Variants in SOX6 observed in about 807,000 individuals in gnomAD.
The protein encoded by SOX6 is transcription factor SOX-6.
A neutral mutation model predicts 97.8 loss-of-function variants in SOX6; 11 were observed. The ratio of observed to expected loss-of-function variants is 0.11; its 90% CI spans 0.07 to 0.19. The LOEUF (loss-of-function observed/expected upper bound fraction) is 0.19. Among genes scored for constraint, SOX6 ranks in the 10% least tolerant of loss-of-function variants. SOX6 has a pLI of 1.00. For missense variants in SOX6, 810 were observed against 1,039.5 expected, an observed-to-expected ratio of 0.78 and a Z score of 3.04; for synonymous variants, 360 against 371.4, an observed-to-expected ratio of 0.97 and a Z score of 0.35.
At chr11:15,981,787 G>C (rs974019054) in intron 15 of SOX6, among the ~76,000 whole-genome samples, 3 of 151,972 alleles carry the variant, frequency 2.0e-5, no homozygotes, top group Non-Finnish European at 4.4e-5. Context: ...AATAATTATT[G>C]TAATATAACA....
At chr11:16,494,206 A>C (rs953400725) in intron 4 of SOX6, among the ~76,000 whole-genome samples, 3 of 151,844 alleles carry the variant, frequency 2.0e-5, no homozygotes, top group African/African-American at 4.8e-5. Context: ...GTGAAACCCC[A>C]TCTCCACTAA....
intron 4 of SOX6, among the ~76,000 whole-genome samples, chr11:16,604,199 G>C (rs1054169478): frequency 6.6e-6 from 1 of 152,234 alleles, no homozygotes; most frequent in Non-Finnish European, 1.5e-5. Context: ...GAGGCCAGCC[G>C]TGCGCGGGCG....
At chr11:16,114,744 A>G (rs921949587) in intron 6 of SOX6, among the ~76,000 whole-genome samples, 1 of 152,196 alleles carries the variant, frequency 6.6e-6, no homozygotes, top group East Asian at 1.9e-4. Context: ...GTGGGAATAC[A>G]TGCTCATTTG....
intron 1 of SOX6, among the ~76,000 whole-genome samples, chr11:16,422,521 T>G (rs1250722529): frequency 2.0e-5 from 3 of 152,176 alleles, no homozygotes; most frequent in Non-Finnish European, 4.4e-5. Context: ...ATTAAATATA[T>G]GGGAAGTGAT....
chr11:16,347,735 A>G (rs543949413), intron 1 of SOX6, among the ~76,000 whole-genome samples: 22 of 152,232 alleles, frequency 1.4e-4, no homozygotes, highest in South Asian at 1.2e-3. Context: ...TCAGAGACAA[A>G]GTGTAGGAAA....
At chr11:16,628,504 T>C (rs1203503345) in intron 3 of SOX6, among the ~76,000 whole-genome samples, 1 of 151,636 alleles carries the variant, frequency 6.6e-6, no homozygotes, top group Non-Finnish European at 1.5e-5. Flanking sequence ...TATACACCAG[T>C]AGTCGCAGCT....
intron 4 of SOX6, among the ~76,000 whole-genome samples, chr11:16,583,620 T>TATATATATATACACACACACACACACAC (rs1848057779): frequency 2.2e-5 from 3 of 136,964 alleles, no homozygotes; most frequent in African/African-American, 7.8e-5. Context: ...TATACATATA[T>TATATATATATACACACACACACACACAC]ATATATATAT....
At chr11:16,626,304 T>C (rs945809869) in intron 3 of SOX6, among the ~76,000 whole-genome samples, 3 of 152,216 alleles carry the variant, frequency 2.0e-5, no homozygotes, top group African/African-American at 4.8e-5. Context: ...CTGACAGCAT[T>C]TTTTAGACTA....
At chr11:16,727,290 C>CTTTTTTTTT in intron 2 of SOX6, among the ~76,000 whole-genome samples, 1 of 92,978 alleles carries the variant, frequency 1.1e-5, no homozygotes, top group Non-Finnish European at 2.0e-5. Flanking sequence ...ATTCACCTTG[C>CTTTTTTTTT]TTTTTTTTTT....
At chr11:16,278,487 T>A (rs894010341) in intron 3 of SOX6, among the ~76,000 whole-genome samples, 27 of 152,100 alleles carry the variant, frequency 1.8e-4, no homozygotes, top group Non-Finnish European at 3.8e-4. Context: ...TAGAAAATAT[T>A]ACTCAGAGCT....
At chr11:16,001,510 C>T (rs1854407734) in intron 13 of SOX6, among the ~76,000 whole-genome samples, 1 of 152,126 alleles carries the variant, frequency 6.6e-6, no homozygotes, top group South Asian at 2.1e-4. Context: ...CAGCCTAGTA[C>T]ATCACCCCTT....
chr11:15,974,389 T>C (rs1590100339), intron 15 of SOX6, among the ~76,000 whole-genome samples: 1 of 145,248 alleles, frequency 6.9e-6, no homozygotes, highest in African/African-American at 2.6e-5. Context: ...TTTTTTTTTT[T>C]TTTTTTTTTT....
intron 3 of SOX6, among the ~76,000 whole-genome samples, chr11:16,644,731 C>T (rs1848986022): frequency 1.3e-5 from 2 of 152,080 alleles, no homozygotes; most frequent in Non-Finnish European, 2.9e-5. Context: ...ACTATATATT[C>T]TCTGTTTGTT....
chr11:16,117,619 C>T (rs1849384166), intron 6 of SOX6, among the ~76,000 whole-genome samples: 1 of 152,170 alleles, frequency 6.6e-6, no homozygotes, highest in African/African-American at 2.4e-5. Flanking sequence ...AGGAAAGAGG[C>T]TTGGTGGCCA....
At chr11:16,214,782 C>T (rs1300891716) in intron 4 of SOX6, among the ~76,000 whole-genome samples, 5 of 141,874 alleles carry the variant, frequency 3.5e-5, no homozygotes, top group African/African-American at 1.3e-4. Context: ...CGGAGTTTCG[C>T]TCTTTTGCCC....
At chr11:16,032,898 C>T (rs1401799048) in intron 12 of SOX6, among the ~76,000 whole-genome samples, 1 of 152,178 alleles carries the variant, frequency 6.6e-6, no homozygotes, top group Non-Finnish European at 1.5e-5. Flanking sequence ...TTTCAAGTCT[C>T]TCCTCTTCTA....
At chr11:16,344,737 T>C (rs572210657) in intron 1 of SOX6, among the ~76,000 whole-genome samples, 3 of 152,090 alleles carry the variant, frequency 2.0e-5, no homozygotes, top group East Asian at 1.9e-4. Context: ...CTTGTGGAAA[T>C]GGTCAATTTC....
At chr11:16,514,428 GC>G (rs1860930634) in intron 4 of SOX6, among the ~76,000 whole-genome samples, 1 of 151,988 alleles carries the variant, frequency 6.6e-6, no homozygotes, top group Non-Finnish European at 1.5e-5. Flanking sequence ...GCATGATCTT[GC>G]TTTCCCTGCT....
chr11:16,078,353 A>G (rs1358965108), intron 9 of SOX6, among the ~76,000 whole-genome samples: 1 of 152,208 alleles, frequency 6.6e-6, no homozygotes, highest in Non-Finnish European at 1.5e-5. Flanking sequence ...TGAGTCCAGA[A>G]ATTAGATTTG....
Sources: gnomAD v4.1 joint callset for allele counts (sites outside exome capture counted in the v4.1 genomes callset) on GRCh38, gnomAD v4.1.1 for gene constraint, MANE v1.5 for transcripts, NCBI Gene and HGNC (gene_info 2026-07-23, HGNC 2026-07-21) for gene names.